The following APBA1 variants were observed in gnomAD, a reference collection of about 807,000 sequenced individuals.
The protein encoded by APBA1 is amyloid-beta A4 precursor protein-binding family A member 1.
APBA1 carries 55 observed loss-of-function variants against 86.6 expected under a neutral mutation model. The ratio of observed to expected loss-of-function variants is 0.64; its 90% CI spans 0.51 to 0.80. The LOEUF (loss-of-function observed/expected upper bound fraction) is 0.80, where lower values mean the gene tolerates loss of function less well. APBA1 is among the 30% of genes least tolerant of loss of function. APBA1 has a pLI of 0.00. For synonymous variants in APBA1, 511 were observed against 493.9 expected, an observed-to-expected ratio of 1.03 and a Z score of -0.46; for missense variants, 1,090 against 1,183.0, an observed-to-expected ratio of 0.92 and a Z score of 1.15.
At chr9:69,455,141 T>G (rs1199669199) in intron 8 of APBA1, among the ~76,000 whole-genome samples, 1 of 152,150 alleles carries the variant, frequency 6.6e-6, no homozygotes, top group African/African-American at 2.4e-5. Context: ...GCTAGACGAA[T>G]GCTGTACTGG....
intron 1 of APBA1, among the ~76,000 whole-genome samples, chr9:69,605,250 T>TA (rs1822448884): frequency 6.6e-6 from 1 of 152,008 alleles, no homozygotes; most frequent in Non-Finnish European, 1.5e-5. Flanking sequence ...TGAACGATGG[T>TA]ACTAACCTCC....
intron 2 of APBA1, among the ~76,000 whole-genome samples, chr9:69,495,489 A>G (rs1364822061): frequency 6.6e-6 from 1 of 152,030 alleles, no homozygotes; most frequent in Non-Finnish European, 1.5e-5. Flanking sequence ...CAGTGTTGTT[A>G]GATACCCGAG....
intron 1 of APBA1, among the ~76,000 whole-genome samples, chr9:69,641,931 C>T (rs187443033): frequency 4.6e-5 from 7 of 152,192 alleles, no homozygotes; most frequent in East Asian, 1.9e-4. Context: ...CTGCAACTTC[C>T]GCCTCCCGGA....
intron 11 of APBA1, among the ~76,000 whole-genome samples, chr9:69,433,893 C>T (rs529273169): frequency 6.6e-6 from 1 of 150,614 alleles, no homozygotes; most frequent in East Asian, 2.0e-4. Flanking sequence ...CTCACTGCAA[C>T]CTTTGCCTCC....
At chr9:69,566,033 C>T (rs1837021943) in intron 1 of APBA1, among the ~76,000 whole-genome samples, 1 of 152,226 alleles carries the variant, frequency 6.6e-6, no homozygotes. Flanking sequence ...TTCCCAGCTT[C>T]AGAACTCCCT....
chr9:69,622,430 T>C (rs1037558919), intron 1 of APBA1, among the ~76,000 whole-genome samples: 1 of 152,302 alleles, frequency 6.6e-6, no homozygotes, highest in East Asian at 1.9e-4. Context: ...CATGGGTTCT[T>C]CCATTAGCAG....
At chr9:69,603,891 C>A (rs78959496) in intron 1 of APBA1, among the ~76,000 whole-genome samples, 3 of 152,132 alleles carry the variant, frequency 2.0e-5, no homozygotes, top group Admixed American at 6.5e-5. Flanking sequence ...TAACAGAGAA[C>A]GGCCTCTTCA....
intron 1 of APBA1, among the ~76,000 whole-genome samples, chr9:69,625,659 TGG>T (rs1361827391): frequency 1.3e-5 from 2 of 152,234 alleles, no homozygotes; most frequent in Non-Finnish European, 2.9e-5. Flanking sequence ...TGTCCTCTGC[TGG>T]GCTAATTTAG....
chr9:69,605,337 C>A (rs1456481191), intron 1 of APBA1, among the ~76,000 whole-genome samples: 1 of 152,154 alleles, frequency 6.6e-6, no homozygotes, highest in Non-Finnish European at 1.5e-5. Context: ...ATTATAAATA[C>A]CTTGTTTCAA....
chr9:69,630,740 G>A lies in APBA1; in HGVS notation c.-70+41413C>T, dbSNP rs968951854. Among the ~76,000 whole-genome samples the A allele has an allele frequency of 3.3e-5, 5 of 152,238 alleles. 1 individual carries two copies. The Middle Eastern group carries it at 0.01, about 311-fold the overall frequency. ...AATACCACCATCCTCATTTTCTCCT[G>A]TATCTGTGGCCTTTCTTCAGCTTCT... On this transcript the variant is annotated intron_variant, in intron 1 of 12. Coordinates refer to ENST00000265381, the MANE Select transcript of APBA1 (RefSeq NM_001163.4).
chr9:69,594,170 G>C (rs1822185125), intron 1 of APBA1, among the ~76,000 whole-genome samples: 1 of 152,078 alleles, frequency 6.6e-6, no homozygotes, highest in African/African-American at 2.4e-5. Flanking sequence ...GACCATCTAT[G>C]TCATATCATG....
intron 1 of APBA1, among the ~76,000 whole-genome samples, chr9:69,529,934 T>A (rs560874580): frequency 3.3e-5 from 5 of 151,910 alleles, no homozygotes; most frequent in Admixed American, 6.6e-5. Flanking sequence ...AAGAAACACA[T>A]GAAAAAAATG....
chr9:69,467,024 T>G (rs1447354323), intron 5 of APBA1, among the ~76,000 whole-genome samples: 1 of 152,180 alleles, frequency 6.6e-6, no homozygotes, highest in South Asian at 2.1e-4. Context: ...TGGTTCCAGG[T>G]GCTGGTGGCA....
At chr9:69,520,844 G>C (rs1002132066) in intron 1 of APBA1, among the ~76,000 whole-genome samples, 3 of 151,982 alleles carry the variant, frequency 2.0e-5, no homozygotes, top group Admixed American at 6.6e-5. Flanking sequence ...GCTTTGTCTT[G>C]GTCTGTCTTG....
At chr9:69,548,855 A>C (rs1029204116) in intron 1 of APBA1, among the ~76,000 whole-genome samples, 2 of 152,206 alleles carry the variant, frequency 1.3e-5, no homozygotes, top group Non-Finnish European at 2.9e-5. Flanking sequence ...TGAGGCAAAC[A>C]AGTTCATTTG....
intron 2 of APBA1, among the ~76,000 whole-genome samples, chr9:69,497,023 C>T (rs1487674227): frequency 6.6e-6 from 1 of 152,062 alleles, no homozygotes; most frequent in African/African-American, 2.4e-5. Flanking sequence ...AATAAAACTG[C>T]CAGGCCTTCT....
At chr9:69,525,899 C>T (rs140799392) in intron 1 of APBA1, among the ~76,000 whole-genome samples, 266 of 152,030 alleles carry the variant, frequency 1.7e-3, no homozygotes, top group African/African-American at 5.9e-3. Context: ...ATAGAGAATT[C>T]GGAAAGAAAG....
chr9:69,519,180 T>C (rs1330862631), intron 1 of APBA1, among the ~76,000 whole-genome samples: 1 of 152,232 alleles, frequency 6.6e-6, no homozygotes, highest in African/African-American at 2.4e-5. Context: ...TGATGGATGG[T>C]TAAGGCTGTA....
chr9:69,519,900 T>C (rs2133894087), intron 1 of APBA1, among the ~76,000 whole-genome samples: 1 of 152,324 alleles, frequency 6.6e-6, no homozygotes, highest in Non-Finnish European at 1.5e-5. Context: ...TGCGTGTATA[T>C]ACACTAAACT....
Sources: gnomAD v4.1 joint callset for allele counts (sites outside exome capture counted in the v4.1 genomes callset) on GRCh38, gnomAD v4.1.1 for gene constraint, MANE v1.5 for transcripts, NCBI Gene and HGNC (gene_info 2026-07-23, HGNC 2026-07-21) for gene names.